The following ODR4 variants were observed in gnomAD, a reference collection of about 807,000 sequenced individuals.
ODR4 encodes the protein protein odr-4 homolog.
In ODR4, 47 loss-of-function variants were observed where a neutral mutation model predicts 60.2. The observed-to-expected ratio is 0.78, with a 90% CI of 0.62 to 1.00. The LOEUF (loss-of-function observed/expected upper bound fraction) is 1.00. Among genes scored for constraint, ODR4 ranks in the 50% least tolerant of loss-of-function variants. The probability of loss-of-function intolerance (pLI) is 0.00; values close to 1 mark genes in which losing one functional copy is unlikely to be tolerated. For synonymous variants in ODR4, 178 were observed against 175.5 expected (o/e 1.01, Z -0.11); for missense variants, 488 against 530.8 (o/e 0.92, Z 0.79).
intron 2 of ODR4, among the ~76,000 whole-genome samples, chr1:186,381,748 C>G (rs1660041722): frequency 6.6e-6 from 1 of 152,186 alleles, no homozygotes; most frequent in South Asian, 2.1e-4. Context: ...TCCTCTCCTT[C>G]CTCTTAAGCT....
chr1:186,431,438 A>G, the ODR4 span, among the ~76,000 whole-genome samples: 1 of 152,132 alleles, frequency 6.6e-6, no homozygotes, highest in African/African-American at 2.4e-5. Context: ...GAAGAGCAAT[A>G]TTTGGGAGGC....
At position 186,388,514 on chromosome 1, in the gene ODR4, C is replaced by T. The variant is rs1182490997; in HGVS notation, c.403C>T (p.Arg135Ter). 1.1e-5 allele frequency: 17 copies of T among 1,563,120 alleles called. No homozygotes were observed. The highest frequency in any genetic ancestry group is 2.3e-5 in the East Asian group (1 of 42,674). The change falls in exon 5 of 14, where the codon CGA becomes TGA. Residue 135 changes from arginine to a stop codon, truncating the protein, a stop_gained. Transcript: ENST00000287859. LOFTEE classifies it high-confidence loss of function. ...WNFTEEEVSE[R>*]VTLHICASTK... ...TTTCACAGAGGAGGAAGTCTCAGAA[C>T]GAGTGACACTTCACATTTGTGCTTC... is the stretch of plus-strand genomic sequence containing the variant.
In ODR4 at chr1:186,383,131, A is replaced by G. The variant is rs768935860; in HGVS notation, c.209A>G (p.Glu70Gly). 39 of 1,554,368 alleles carry G rather than the reference A, an allele frequency of 2.5e-5. No individual in the cohort carries two copies. Among genetic ancestry groups the G allele is most frequent in the Admixed American group, 5.9e-5 (3 of 51,100 alleles). ...GCTAAGTTGGATAACTTGGATGAAG[A>G]ATGGGCCACAGAACATGCCTGCCAG... ...PKAKLDNLDE[E>G]WATEHACQVS... Residue 70 changes from glutamate to glycine, a missense_variant, in exon 3 of 14, where the codon GAA becomes GGA. Coordinates refer to ENST00000287859, the MANE Select transcript of ODR4 (RefSeq NM_017847.6).
At chr1:186,404,468 A>C (rs545663118) in intron 11 of ODR4, among the ~76,000 whole-genome samples, 98 of 152,298 alleles carry the variant, frequency 6.4e-4, no homozygotes, top group African/African-American at 2.2e-3. Context: ...ATGGTTTTAA[A>C]ATTTTGCATG....
chr1:186,385,014 T>C (rs16825277), intron 3 of ODR4, among the ~76,000 whole-genome samples: 6,477 of 152,024 alleles, frequency 0.043, 453 homozygotes, highest in African/African-American at 0.15. Context: ...GCCACAATCA[T>C]GTGAAGGGAA....
rs1193799792 is a variant in ODR4, at chr1:186,420,244, A to T, written c.*1168A>T. 1 of 152,250 alleles carries T rather than the reference A, an allele frequency of 6.6e-6. No individual in the cohort carries two copies. The highest frequency in any genetic ancestry group is 1.9e-4 in the East Asian group (1 of 5,192). 9.4% of individuals were successfully genotyped at this position (152,250 alleles called of 1,614,324 possible). On this transcript the variant is annotated 3_prime_UTR_variant, in exon 14 of 14. Transcript: ENST00000287859. ...GGCAGATACCAATAGCAACATTGTC[A>T]TATGCAGTTTGCCTCAAATCAGAAA...
chr1:186,381,143 T>A (rs1660002723), intron 2 of ODR4, among the ~76,000 whole-genome samples: 1 of 152,170 alleles, frequency 6.6e-6, no homozygotes, highest in African/African-American at 2.4e-5. Flanking sequence ...CTATTTAAGT[T>A]TTTTTCTTTC....
At chr1:186,403,755 C>A (rs972599203) in intron 11 of ODR4, among the ~76,000 whole-genome samples, 2 of 151,880 alleles carry the variant, frequency 1.3e-5, no homozygotes, top group Non-Finnish European at 2.9e-5. Flanking sequence ...AAGCCTTCTT[C>A]ACTGTTATAA....
intron 2 of ODR4, among the ~76,000 whole-genome samples, chr1:186,382,031 G>A (rs113092484): frequency 4.4e-4 from 67 of 152,016 alleles, no homozygotes; most frequent in African/African-American, 1.6e-3. Flanking sequence ...AACTTTCACT[G>A]TAGTGAAACT....
intron 13 of ODR4, 65 bp from the exon 14 acceptor site, chr1:186,418,943 AG>A: frequency 7.3e-7 from 1 of 1,364,542 alleles, no homozygotes; most frequent in South Asian, 1.2e-5. Flanking sequence ...TTCAGAGCCT[AG>A]GATTAGTTTG....
intron 9 of ODR4, among the ~76,000 whole-genome samples, chr1:186,395,438 A>T (rs1218527057): frequency 1.3e-5 from 2 of 151,986 alleles, no homozygotes; most frequent in Non-Finnish European, 2.9e-5. Flanking sequence ...TTTGGTAGTC[A>T]CTCCACCGAT....
At chr1:186,427,572 G>T in the ODR4 span, among the ~76,000 whole-genome samples, 1 of 152,178 alleles carries the variant, frequency 6.6e-6, no homozygotes, top group East Asian at 1.9e-4. Flanking sequence ...ATTCATGAGG[G>T]TTGGAATAAA....
At position 186,398,479 on chromosome 1, in the gene ODR4, AC is replaced by A. The variant is rs531181717; in HGVS notation, c.909+39del. Reference sequence around the variant, plus strand: ...ATAACGAGCATATGGAACCATGTTAACTATTAACAAAAACCTAAAATTTTAC... The same window carrying A: ...ATAACGAGCATATGGAACCATGTTAATATTAACAAAAACCTAAAATTTTAC... On this transcript the variant is annotated intron_variant, in intron 10 of 13. Transcript: ENST00000287859. The A allele has an allele frequency of 2.2e-4, 345 of 1,544,610 alleles. 1 individual carries two copies. The East Asian group carries it at 7.4e-3, about 33-fold the overall frequency.
chr1:186,396,779 A>G (rs1389131568), intron 9 of ODR4, among the ~76,000 whole-genome samples: 4 of 151,054 alleles, frequency 2.6e-5, no homozygotes, highest in African/African-American at 9.7e-5. Flanking sequence ...ACACACATAC[A>G]CATATATTTA....
At chr1:186,389,334 G>A (rs560825762) in intron 5 of ODR4, among the ~76,000 whole-genome samples, 16 of 152,104 alleles carry the variant, frequency 1.1e-4, no homozygotes, top group Admixed American at 9.2e-4. Flanking sequence ...TGCAATTAGC[G>A]GGATTCATAA....
At chr1:186,416,876 A>AG (rs1418647667) in intron 12 of ODR4, among the ~76,000 whole-genome samples, 7 of 146,722 alleles carry the variant, frequency 4.8e-5, no homozygotes, top group African/African-American at 7.4e-5. Context: ...AAAAAAAAAA[A>AG]GTAAATTAAT....
chr1:186,379,886 T>G lies in ODR4; in HGVS notation c.99+2T>G. ...GTCTCTGGCCTTTTAATAGGACAGG[T>G]ATGTATCTTTTACTCTGCATTTATA... On this transcript the variant is annotated splice_donor_variant, in intron 2 of 13. Transcript: ENST00000287859. LOFTEE classifies it high-confidence loss of function. 6.6e-7 allele frequency: 1 copy of G among 1,517,558 alleles called. No individual in the cohort carries two copies. The highest frequency in any genetic ancestry group is 9.0e-7 in the Non-Finnish European group (1 of 1,113,860). 94.0% of individuals were successfully genotyped at this position (1,517,558 alleles called of 1,614,324 possible). A position where few individuals can be genotyped will look rare whatever the true frequency, so the allele number is the denominator to read the frequency against.
intron 12 of ODR4, among the ~76,000 whole-genome samples, chr1:186,414,508 G>GA (rs1661485801): frequency 6.7e-6 from 1 of 148,732 alleles, no homozygotes; most frequent in Non-Finnish European, 1.5e-5. Flanking sequence ...CAAATATGGG[G>GA]GAAAAAAACA....
the ODR4 span, among the ~76,000 whole-genome samples, chr1:186,429,263 C>CT: frequency 2.0e-5 from 3 of 151,376 alleles, no homozygotes; most frequent in Non-Finnish European, 4.4e-5. Flanking sequence ...CACTGAGACT[C>CT]TGTCTCAAGA....
Sources: gnomAD v4.1 joint callset for allele counts (sites outside exome capture counted in the v4.1 genomes callset) on GRCh38, gnomAD v4.1.1 for gene constraint, MANE v1.5 for transcripts, NCBI Gene and HGNC (gene_info 2026-07-23, HGNC 2026-07-21) for gene names.